Variants in CDH13 observed in about 807,000 individuals in gnomAD.
CDH13 encodes the protein cadherin 13, also known as cadherin-13.
In CDH13, 24 loss-of-function variants were observed where a neutral mutation model predicts 63.8. The observed-to-expected ratio is 0.38, with a 90% confidence interval of 0.27 to 0.53. The LOEUF is 0.53. Ranked by LOEUF, CDH13 falls within the 20% of genes least tolerant of loss-of-function variation. CDH13 has a pLI of 0.85. For synonymous variants in CDH13, 503 were observed against 355.3 expected, an observed-to-expected ratio of 1.42 and a Z score of -4.67; for missense variants, 1,049 against 903.1, an observed-to-expected ratio of 1.16 and a Z score of -2.07.
chr16:82,904,060 T>G (rs1466264867), intron 2 of CDH13, among the ~76,000 whole-genome samples: 2 of 152,208 alleles, frequency 1.3e-5, no homozygotes, highest in Admixed American at 1.3e-4. Flanking sequence ...ATTAAAATAT[T>G]TAAGCACACA....
intron 6 of CDH13, among the ~76,000 whole-genome samples, chr16:83,462,352 G>T (rs9646307): frequency 0.42 from 63,644 of 152,084 alleles, 13,518 homozygotes; most frequent in Middle Eastern, 0.52. Flanking sequence ...CCTCCTTTCA[G>T]TTATATAGTC....
At chr16:82,990,579 C>G (rs1417230243) in intron 2 of CDH13, among the ~76,000 whole-genome samples, 1 of 143,576 alleles carries the variant, frequency 7.0e-6, no homozygotes, top group Non-Finnish European at 1.5e-5. Context: ...CAGAGTCTCA[C>G]TTTATCATCC....
chr16:83,247,078 C>G (rs373033503), intron 5 of CDH13, among the ~76,000 whole-genome samples: 1 of 152,156 alleles, frequency 6.6e-6, no homozygotes, highest in South Asian at 2.1e-4. Context: ...CAGTCAAGTA[C>G]CTACCTCTAA....
intron 2 of CDH13, among the ~76,000 whole-genome samples, chr16:82,981,802 C>G (rs1489311349): frequency 6.6e-6 from 1 of 152,300 alleles, no homozygotes; most frequent in East Asian, 1.9e-4. Flanking sequence ...ACCCAATTTT[C>G]TCCCGTAAGC....
chr16:82,654,734 A>AT lies in CDH13; in HGVS notation c.45+27610dup, dbSNP rs35891428. Among the ~76,000 whole-genome samples the AT allele has an allele frequency of 7.4e-3, 1,102 of 148,598 alleles. 7 individuals carry two copies. Among genetic ancestry groups the AT allele is most frequent in the Middle Eastern group, 0.01 (3 of 288 alleles). ...AAAGGAACCATGGATTTAAATAAGG[A>AT]TTTTTTTTTTTTTCATATTCAGAAG... is the stretch of plus-strand genomic sequence containing the variant. On this transcript the variant is annotated intron_variant, in intron 1 of 13. Transcript: ENST00000567109.
chr16:82,861,066 C>T (rs1196722416), intron 2 of CDH13, among the ~76,000 whole-genome samples: 2 of 152,154 alleles, frequency 1.3e-5, no homozygotes, highest in Non-Finnish European at 2.9e-5. Flanking sequence ...AAGGCTAAAT[C>T]TGAATGAAAA....
chr16:83,044,257 C>T (rs1917582901), intron 3 of CDH13, among the ~76,000 whole-genome samples: 1 of 152,128 alleles, frequency 6.6e-6, no homozygotes, highest in Non-Finnish European at 1.5e-5. Context: ...TTGAGCTGGG[C>T]CTTCTGATTT....
intron 3 of CDH13, among the ~76,000 whole-genome samples, chr16:83,037,224 A>G (rs1367836946): frequency 1.3e-5 from 2 of 152,156 alleles, no homozygotes; most frequent in African/African-American, 4.8e-5. Context: ...AGCCTATGTT[A>G]TTTCTAATTC....
intron 2 of CDH13, among the ~76,000 whole-genome samples, chr16:83,014,281 C>T (rs570361800): frequency 1.2e-4 from 17 of 144,530 alleles, no homozygotes; most frequent in Non-Finnish European, 1.8e-4. Context: ...TATTATCAAC[C>T]GTTAGCGTGA....
At chr16:82,719,259 T>C (rs1266689267) in intron 1 of CDH13, 1 of 403,610 alleles carries the variant, frequency 2.5e-6, no homozygotes, top group East Asian at 7.5e-5. Flanking sequence ...CATTGGCCTG[T>C]AATATAATTT....
intron 5 of CDH13, among the ~76,000 whole-genome samples, chr16:83,333,393 G>A (rs970323088): frequency 2.6e-5 from 4 of 152,030 alleles, no homozygotes; most frequent in African/African-American, 4.8e-5. Context: ...ATTTCCTTAC[G>A]GAGCGGGGGT....
chr16:83,487,441 C>A (rs1197654592), intron 7 of CDH13, among the ~76,000 whole-genome samples: 2 of 152,162 alleles, frequency 1.3e-5, no homozygotes, highest in Non-Finnish European at 2.9e-5. Flanking sequence ...GGTCTGCTGT[C>A]CCCTTTAGAT....
chr16:83,775,409 A>T (rs564793410), intron 11 of CDH13, among the ~76,000 whole-genome samples: 1 of 149,630 alleles, frequency 6.7e-6, no homozygotes, highest in Admixed American at 7.4e-5. Context: ...TTCATCTGTC[A>T]GCAGTCCTTA....
rs144295674 is a variant in CDH13, at chr16:83,542,180, A to G, written c.960+55525A>G. On this transcript the variant is annotated intron_variant, in intron 7 of 13. Transcript: ENST00000567109. Reference sequence around the variant, plus strand: ...AGGCCATTCCTGCTGAGGTGCACATACTAATATTTGAAAGACATCACTCTA... The same window carrying G: ...AGGCCATTCCTGCTGAGGTGCACATGCTAATATTTGAAAGACATCACTCTA... 7.6e-3 allele frequency among the ~76,000 whole-genome samples: 1,152 copies of G among 152,272 alleles called. 13 individuals are homozygous for G. Among genetic ancestry groups the G allele is most frequent in the African/African-American group, 0.026 (1,069 of 41,556 alleles).
intron 9 of CDH13, among the ~76,000 whole-genome samples, chr16:83,675,924 A>G (rs1914916100): frequency 6.6e-6 from 1 of 152,172 alleles, no homozygotes; most frequent in Non-Finnish European, 1.5e-5. Context: ...CATTCATGCA[A>G]TATTTATTTA....
chr16:82,724,374 T>A (rs2032967238), intron 1 of CDH13, among the ~76,000 whole-genome samples: 1 of 152,210 alleles, frequency 6.6e-6, no homozygotes, highest in Admixed American at 6.5e-5. Flanking sequence ...CCAGGTGCCA[T>A]GCTATTGATA....
chr16:82,769,670 A>T (rs936874736), intron 1 of CDH13, among the ~76,000 whole-genome samples: 5 of 152,350 alleles, frequency 3.3e-5, no homozygotes, highest in African/African-American at 1.2e-4. Context: ...GAGCAATTCC[A>T]TGATGCCCTA....
At chr16:82,912,787 C>T (rs1383443943) in intron 2 of CDH13, among the ~76,000 whole-genome samples, 1 of 152,016 alleles carries the variant, frequency 6.6e-6, no homozygotes, top group East Asian at 1.9e-4. Context: ...ACTAAAAATA[C>T]AAAATATTAG....
At chr16:82,946,327 A>C (rs1441805091) in intron 2 of CDH13, among the ~76,000 whole-genome samples, 1 of 152,106 alleles carries the variant, frequency 6.6e-6, no homozygotes, top group Non-Finnish European at 1.5e-5. Context: ...TCAAAAATGT[A>C]AGTTCTAACA....
Sources: allele counts gnomAD v4.1 joint callset (sites outside exome capture counted in the v4.1 genomes callset), GRCh38; gene constraint gnomAD v4.1.1; transcripts MANE v1.5; gene names NCBI Gene and HGNC (gene_info 2026-07-23, HGNC 2026-07-21).